The following FAF1 variants were observed in gnomAD, a reference collection of about 807,000 sequenced individuals.
The protein encoded by FAF1 is FAS-associated factor 1.
A neutral mutation model predicts 92.5 loss-of-function variants in FAF1; 25 were observed. The ratio of observed to expected loss-of-function variants is 0.27; its 90% CI spans 0.20 to 0.38. The LOEUF is 0.38. FAF1 is among the 10% of genes least tolerant of loss of function. The pLI is 1.00. For synonymous variants in FAF1, 234 were observed against 273.2 expected (o/e 0.86, Z 1.42); for missense variants, 636 against 793.3 (o/e 0.80, Z 2.38).
intron 7 of FAF1, among the ~76,000 whole-genome samples, chr1:50,676,920 C>T (rs1383775942): frequency 6.6e-6 from 1 of 151,998 alleles, no homozygotes; most frequent in Non-Finnish European, 1.5e-5. Flanking sequence ...GCTATGCTGC[C>T]TCTCTCCATT....
At chr1:50,549,436 G>A (rs1410451756) in intron 13 of FAF1, among the ~76,000 whole-genome samples, 1 of 151,556 alleles carries the variant, frequency 6.6e-6, no homozygotes, top group Non-Finnish European at 1.5e-5. Flanking sequence ...AGCCTCCCGA[G>A]TAGCTGGGAC....
At chr1:50,670,246 ATTTTTTTG>A (rs1655813524) in intron 7 of FAF1, among the ~76,000 whole-genome samples, 1 of 150,896 alleles carries the variant, frequency 6.6e-6, no homozygotes. Flanking sequence ...TAATTTTTGT[ATTTTTTTG>A]TTTGTTTGTT....
At chr1:50,864,900 A>G (rs1318066122) in intron 1 of FAF1, among the ~76,000 whole-genome samples, 19 of 151,874 alleles carry the variant, frequency 1.3e-4, no homozygotes, top group South Asian at 2.1e-4. Context: ...AGAGTGAACA[A>G]GCAACCTACA....
chr1:50,504,938 A>G (rs989971522), intron 15 of FAF1, among the ~76,000 whole-genome samples: 1 of 152,230 alleles, frequency 6.6e-6, no homozygotes, highest in Non-Finnish European at 1.5e-5. Flanking sequence ...CATCAGAAAT[A>G]TGAACTTTAA....
At chr1:50,828,343 A>T (rs1383081188) in intron 2 of FAF1, among the ~76,000 whole-genome samples, 3 of 149,478 alleles carry the variant, frequency 2.0e-5, no homozygotes, top group African/African-American at 7.4e-5. Flanking sequence ...ATCTTGGCTC[A>T]CTGCAAGCTC....
intron 18 of FAF1, among the ~76,000 whole-genome samples, chr1:50,458,369 T>C (rs561023480): frequency 6.6e-6 from 1 of 152,326 alleles, no homozygotes; most frequent in South Asian, 2.1e-4. Context: ...ATTGAGAAAT[T>C]TAAACTCTTT....
intron 17 of FAF1, among the ~76,000 whole-genome samples, chr1:50,484,421 A>C (rs935235446): frequency 6.6e-6 from 1 of 152,206 alleles, no homozygotes; most frequent in Non-Finnish European, 1.5e-5. Context: ...TTCAAACTGA[A>C]AGTACTGAAG....
rs1553151636 is a variant in FAF1, at chr1:50,917,697, A to AGGAAAGGAAG, written c.45+42069_45+42070insCTTCCTTTCC. 1.2e-3 allele frequency among the ~76,000 whole-genome samples: 168 copies of AGGAAAGGAAG among 146,050 alleles called. 1 individual carries two copies. Among genetic ancestry groups the AGGAAAGGAAG allele is most frequent in the Non-Finnish European group, 1.6e-3 (102 of 65,660 alleles). On this transcript the variant is annotated intron_variant, in intron 1 of 18. Transcript: ENST00000396153. ...AGGAAAGGAAAGGAAAGGAAAGGAAAGGAAAAGAAAGAAAACCAACATAGT... is the reference window on the plus strand; with the variant it reads ...AGGAAAGGAAAGGAAAGGAAAGGAAAGGAAAGGAAGGGAAAAGAAAGAAAACCAACATAGT...
chr1:50,955,601 A>G (rs1422070685), intron 1 of FAF1, among the ~76,000 whole-genome samples: 1 of 152,246 alleles, frequency 6.6e-6, no homozygotes, highest in Non-Finnish European at 1.5e-5. Context: ...AATTAAAAAT[A>G]GAATGACTAT....
At chr1:50,714,953 A>G in intron 6 of FAF1, 1 of 397,486 alleles carries the variant, frequency 2.5e-6, no homozygotes, top group Admixed American at 3.3e-5. Context: ...TGAAGAGAAA[A>G]TGTATTTCTT....
At chr1:50,771,800 CT>C (rs559184929) in intron 4 of FAF1, among the ~76,000 whole-genome samples, 43 of 152,240 alleles carry the variant, frequency 2.8e-4, no homozygotes, top group Admixed American at 2.4e-3. Context: ...ACTCAAGAGG[CT>C]GAGGCAGGGG....
intron 1 of FAF1, among the ~76,000 whole-genome samples, chr1:50,920,186 A>G (rs2124731776): frequency 6.6e-6 from 1 of 152,146 alleles, no homozygotes; most frequent in Admixed American, 6.5e-5. Context: ...CTGTAGTCCC[A>G]GCTACTCGGG....
At chr1:50,929,632 A>G (rs910074569) in intron 1 of FAF1, among the ~76,000 whole-genome samples, 11 of 152,222 alleles carry the variant, frequency 7.2e-5, no homozygotes, top group Non-Finnish European at 1.6e-4. Context: ...GTTTTCACAC[A>G]AGACTTTCAG....
chr1:50,693,991 ATG>A (rs745620558), intron 7 of FAF1, among the ~76,000 whole-genome samples: 2 of 133,398 alleles, frequency 1.5e-5, no homozygotes, highest in East Asian at 4.3e-4. Context: ...CTATATGTAT[ATG>A]TGTCATTATA....
intron 1 of FAF1, among the ~76,000 whole-genome samples, chr1:50,890,917 A>G (rs894440138): frequency 5.3e-5 from 8 of 152,132 alleles, no homozygotes; most frequent in Non-Finnish European, 1.2e-4. Context: ...GCCTTGCTAG[A>G]TTGGGGAAGT....
At chr1:50,638,529 C>G (rs1654171874) in intron 8 of FAF1, among the ~76,000 whole-genome samples, 1 of 148,946 alleles carries the variant, frequency 6.7e-6, no homozygotes, top group Non-Finnish European at 1.5e-5. Flanking sequence ...ACTGCAACTT[C>G]TGCCTCATGG....
intron 13 of FAF1, among the ~76,000 whole-genome samples, chr1:50,547,217 A>T (rs1649066133): frequency 6.6e-6 from 1 of 151,782 alleles, no homozygotes; most frequent in Non-Finnish European, 1.5e-5. Context: ...TAAACAGACA[A>T]TATAATGCCT....
At chr1:50,547,982 A>T (rs1395312072) in intron 13 of FAF1, among the ~76,000 whole-genome samples, 1 of 152,188 alleles carries the variant, frequency 6.6e-6, no homozygotes, top group Non-Finnish European at 1.5e-5. Flanking sequence ...GACTCTTAGG[A>T]GGGATAATAG....
At chr1:50,651,951 T>C (rs890446434) in intron 8 of FAF1, among the ~76,000 whole-genome samples, 2 of 152,236 alleles carry the variant, frequency 1.3e-5, no homozygotes, top group African/African-American at 4.8e-5. Context: ...TTGGCTAAAT[T>C]CAAGCACTGG....
Sources: allele counts gnomAD v4.1 joint callset (sites outside exome capture counted in the v4.1 genomes callset), GRCh38; gene constraint gnomAD v4.1.1; transcripts MANE v1.5; gene names NCBI Gene and HGNC (gene_info 2026-07-23, HGNC 2026-07-21).